Variants in PTPRN2 observed in about 807,000 individuals in gnomAD.
PTPRN2 encodes receptor-type tyrosine-protein phosphatase N2.
Under a neutral mutation model 118.8 loss-of-function variants are expected in PTPRN2, and 74 were observed. The observed-to-expected ratio is 0.62, with a 90% CI of 0.52 to 0.76. The LOEUF is 0.76. Ranked by LOEUF, PTPRN2 falls within the 30% of genes least tolerant of loss-of-function variation. PTPRN2 has a pLI of 0.00. For synonymous variants in PTPRN2, 641 were observed against 608.0 expected (o/e 1.05, Z -0.80); for missense variants, 1,481 against 1,394.4 (o/e 1.06, Z -0.99).
chr7:157,698,696 A>G (rs1324945781), intron 12 of PTPRN2, among the ~76,000 whole-genome samples: 1 of 152,240 alleles, frequency 6.6e-6, no homozygotes, highest in East Asian at 1.9e-4. Context: ...CTAGAGGTGA[A>G]TCCGGTTTTC....
At chr7:158,492,197 C>T (rs1041585574) in intron 1 of PTPRN2, among the ~76,000 whole-genome samples, 6 of 152,184 alleles carry the variant, frequency 3.9e-5, no homozygotes, top group African/African-American at 1.2e-4. Context: ...GAGGTTAGTC[C>T]GATGTCGTGG....
chr7:158,528,687 G>A (rs1289354706), intron 1 of PTPRN2, among the ~76,000 whole-genome samples: 1 of 151,666 alleles, frequency 6.6e-6, no homozygotes, highest in East Asian at 1.9e-4. Flanking sequence ...CCAGCTACTC[G>A]GGAGGCTGAG....
chr7:158,087,531 G>A (rs575682009), intron 10 of PTPRN2, among the ~76,000 whole-genome samples: 1 of 152,178 alleles, frequency 6.6e-6, no homozygotes, highest in African/African-American at 2.4e-5. Flanking sequence ...TATTTAGGGT[G>A]GAAGAAATGC....
intron 1 of PTPRN2, among the ~76,000 whole-genome samples, chr7:158,503,499 C>G (rs1302523818): frequency 6.6e-6 from 1 of 152,180 alleles, no homozygotes; most frequent in Non-Finnish European, 1.5e-5. Context: ...CCAGGTTTCC[C>G]AAACTGGAAG....
At chr7:157,930,543 G>A (rs981292837) in intron 11 of PTPRN2, among the ~76,000 whole-genome samples, 3 of 152,344 alleles carry the variant, frequency 2.0e-5, no homozygotes, top group Admixed American at 1.3e-4. Flanking sequence ...CGTGACCGTC[G>A]TGAGCACCAT....
At position 158,146,859 on chromosome 7, in the gene PTPRN2, G is replaced by C. The variant is rs73173621; in HGVS notation, c.911-8344C>G. On this transcript the variant is annotated intron_variant, in intron 6 of 22. Transcript: ENST00000389418. ...GCCAGAGAGACTTGACCAATGGATAGAACAAGCAAACAGTTTACAGGGAAA... is the reference window on the plus strand; with the variant it reads ...GCCAGAGAGACTTGACCAATGGATACAACAAGCAAACAGTTTACAGGGAAA... 6.0e-3 allele frequency among the ~76,000 whole-genome samples: 744 copies of C among 123,544 alleles called. 41 individuals carry two copies. Among genetic ancestry groups the C allele is most frequent in the East Asian group, 0.06 (304 of 5,056 alleles). 81.0% of individuals were successfully genotyped at this position (123,544 alleles called of 152,430 possible).
Position 157,657,308 on chromosome 7 carries a change from C to CAT in PTPRN2, c.2002-758_2002-757insAT, listed in dbSNP as rs769062991. Among the ~76,000 whole-genome samples the CAT allele has an allele frequency of 6.0e-4, 77 of 127,594 alleles. 7 individuals are homozygous for CAT. The highest frequency in any genetic ancestry group is 2.2e-3 in the African/African-American group (73 of 33,040). The allele number at this position is 127,594 out of a possible 152,430, so 83.7% of individuals were successfully genotyped here. A position where few individuals can be genotyped will look rare whatever the true frequency, so the allele number is the denominator to read the frequency against. On this transcript the variant is annotated intron_variant, in intron 13 of 22. Coordinates refer to ENST00000389418, the MANE Select transcript of PTPRN2 (RefSeq NM_002847.5). Reference sequence around the variant, plus strand: ...CACACACATCACACATATACACACACACACCACACACATCACACATATACA... The same window carrying CAT: ...CACACACATCACACATATACACACACATACACCACACACATCACACATATACA...
At chr7:158,257,607 C>T (rs78517604) in intron 3 of PTPRN2, among the ~76,000 whole-genome samples, 7,259 of 152,256 alleles carry the variant, frequency 0.048, 195 homozygotes, top group East Asian at 0.11. Context: ...CGTGCAGCAG[C>T]GAGAAATGTC....
chr7:158,474,945 G>A (rs138058810), intron 2 of PTPRN2, among the ~76,000 whole-genome samples: 1 of 152,336 alleles, frequency 6.6e-6, no homozygotes, highest in Non-Finnish European at 1.5e-5. Flanking sequence ...GGGCAATGAT[G>A]CAAACTGGCA....
chr7:158,002,050 G>A (rs1221681495), intron 11 of PTPRN2, among the ~76,000 whole-genome samples: 1 of 152,214 alleles, frequency 6.6e-6, no homozygotes, highest in Non-Finnish European at 1.5e-5. Flanking sequence ...TTCCCTTGGA[G>A]TCACCTCGGG....
chr7:157,541,719 T>C (rs10243225), intron 22 of PTPRN2, among the ~76,000 whole-genome samples: 1,714 of 152,326 alleles, frequency 0.011, 21 homozygotes, highest in African/African-American at 0.039. Context: ...ACAGCTCCAA[T>C]ACTTGATCAT....
intron 2 of PTPRN2, among the ~76,000 whole-genome samples, chr7:158,341,985 A>T (rs1806931624): frequency 1.4e-5 from 2 of 147,528 alleles, no homozygotes; most frequent in East Asian, 2.1e-4. Context: ...CCACACTCTC[A>T]CCATAAGAGG....
intron 12 of PTPRN2, among the ~76,000 whole-genome samples, chr7:157,884,509 G>T (rs1796346390): frequency 6.6e-6 from 1 of 152,190 alleles, no homozygotes; most frequent in Admixed American, 6.5e-5. Context: ...GGCTTCTCTG[G>T]TCCCCTCCTG....
At chr7:158,238,153 C>G (rs1339014072) in intron 3 of PTPRN2, among the ~76,000 whole-genome samples, 1 of 152,124 alleles carries the variant, frequency 6.6e-6, no homozygotes, top group African/African-American at 2.4e-5. Context: ...GTGTCCGGCT[C>G]TGATTGGAAA....
Position 158,169,224 on chromosome 7 carries a change from T to A in PTPRN2, c.550-1933A>T, listed in dbSNP as rs539525295. ...ACCTGGGAGTTGGGAAGTGGGTTGA[T>A]AGAGGTTGGGGTTGTTTGGTTTTTC... On this transcript the variant is annotated intron_variant, in intron 5 of 22. Transcript: ENST00000389418. 9.8e-5 allele frequency among the ~76,000 whole-genome samples: 15 copies of A among 152,316 alleles called. No homozygotes were observed. The South Asian group carries it at 3.1e-3, about 32-fold the overall frequency.
chr7:158,155,508 ATG>A (rs1821646915), intron 6 of PTPRN2, among the ~76,000 whole-genome samples: 7 of 116,092 alleles, frequency 6.0e-5, no homozygotes, highest in Non-Finnish European at 9.6e-5. Context: ...ATCATCACCA[ATG>A]CCATCATCAC....
Position 158,325,417 on chromosome 7 carries a change from G to C in PTPRN2, c.164-8485C>G, listed in dbSNP as rs181518323. On this transcript the variant is annotated intron_variant, in intron 2 of 22. Coordinates refer to ENST00000389418, the MANE Select transcript of PTPRN2 (RefSeq NM_002847.5). Reference sequence around the variant, plus strand: ...TTTATGGAAATATAACAGGACTTGGGAATTAATGAATACAATATGATCACT... The same window carrying C: ...TTTATGGAAATATAACAGGACTTGGCAATTAATGAATACAATATGATCACT... Among the ~76,000 whole-genome samples, 7 of 152,156 alleles carry C rather than the reference G, an allele frequency of 4.6e-5. No individual in the cohort carries two copies. The South Asian group carries it at 1.2e-3, about 27-fold the overall frequency.
intron 2 of PTPRN2, among the ~76,000 whole-genome samples, chr7:158,430,755 C>T (rs560753595): frequency 6.6e-6 from 1 of 152,340 alleles, no homozygotes; most frequent in South Asian, 2.1e-4. Context: ...AGCACAGACA[C>T]AACTCCCATG....
chr7:157,786,736 G>T (rs1046132946), intron 12 of PTPRN2, among the ~76,000 whole-genome samples: 1 of 152,262 alleles, frequency 6.6e-6, no homozygotes, highest in South Asian at 2.1e-4. Context: ...TGTGGCAGCG[G>T]TAACATTTAG....
Sources: allele counts gnomAD v4.1 joint callset (sites outside exome capture counted in the v4.1 genomes callset), GRCh38; gene constraint gnomAD v4.1.1; transcripts MANE v1.5; gene names NCBI Gene and HGNC (gene_info 2026-07-23, HGNC 2026-07-21).